The following RBBP8NL variants were observed in gnomAD, a reference collection of about 807,000 sequenced individuals.
The protein encoded by RBBP8NL is RBBP8 N-terminal like, also known as RBBP8 N-terminal-like protein.
RBBP8NL carries 59 observed loss-of-function variants against 62.2 expected under a neutral mutation model. That is an observed-to-expected ratio of 0.95 (90% confidence interval 0.77 to 1.18). The LOEUF is 1.18. Among genes scored for constraint, RBBP8NL ranks in the 50% most tolerant of loss-of-function variants. RBBP8NL has a pLI of 0.00. For synonymous variants in RBBP8NL, 412 were observed against 394.1 expected (o/e 1.05, Z -0.54); for missense variants, 896 against 899.5 (o/e 1.00, Z 0.05).
rs2146439421 is a variant in RBBP8NL, at chr20:62,415,559, T to C, written c.627+19A>G. On this transcript the variant is annotated intron_variant, in intron 8 of 13. Coordinates refer to ENST00000252998, the MANE Select transcript of RBBP8NL (RefSeq NM_080833.3). ...GCCGGCCCAGCTGCACATGGTGGGC[T>C]CCCGGTCCCTGCCCTTACCATGTCT... is the stretch of plus-strand genomic sequence containing the variant. 4 of 1,612,014 alleles carry C rather than the reference T, an allele frequency of 2.5e-6. No individual in the cohort carries two copies. Among genetic ancestry groups the C allele is most frequent in the Non-Finnish European group, 3.4e-6 (4 of 1,179,492 alleles).
intron 8 of RBBP8NL, 130 bp from the exon 9 acceptor site, chr20:62,415,417 C>A (rs555537037): frequency 6.5e-6 from 9 of 1,376,338 alleles, no homozygotes; most frequent in Non-Finnish European, 8.9e-6. Context: ...TGCACCCCCA[C>A]CCACGCCAAA....
chr20:62,419,830 AC>A, intron 1 of RBBP8NL, 100 bp from the exon 2 acceptor site: 1 of 612,878 alleles, frequency 1.6e-6, no homozygotes, highest in South Asian at 2.1e-5. Flanking sequence ...TATGGAGCAG[AC>A]CCCATGCCAT....
chr20:62,410,606 T>C lies in RBBP8NL; in HGVS notation c.*272A>G, dbSNP rs914940770. 4.2e-6 allele frequency: 2 copies of C among 473,038 alleles called. No homozygotes were observed. Among genetic ancestry groups the C allele is most frequent in the Middle Eastern group, 5.5e-4 (1 of 1,810 alleles). 29.3% of individuals were successfully genotyped at this position (473,038 alleles called of 1,614,324 possible). Reference sequence around the variant, plus strand: ...GTGAATCGCCAGCCTGAGACCCCTCTCGGTCCTCCAGCCCCTCTTGAAGTG... The same window carrying C: ...GTGAATCGCCAGCCTGAGACCCCTCCCGGTCCTCCAGCCCCTCTTGAAGTG... On this transcript the variant is annotated 3_prime_UTR_variant, in exon 14 of 14. Transcript: ENST00000252998.
intron 5 of RBBP8NL, 37 bp from the exon 6 acceptor site, chr20:62,416,273 TG>T (rs984939245): frequency 3.5e-4 from 49 of 140,882 alleles, no homozygotes; most frequent in Middle Eastern, 9.6e-4. Context: ...AGCCAGGGGT[TG>T]GGGGGGACAG....
Position 62,410,878 on chromosome 20 carries a change from C to T in RBBP8NL, c.1995G>A (p.Ter665=), listed in dbSNP as rs1601483822. The change falls in exon 14 of 14, where the codon TAG becomes TAA. Residue 665 remains the stop codon, a stop_retained_variant. Coordinates refer to ENST00000252998, the MANE Select transcript of RBBP8NL (RefSeq NM_080833.3). ...SPNSSPWEET[*] is the part of the protein sequence containing the mutation. ...CGCTGTGGACCCTGGTGCAGGCTGG[C>T]TAGGTCTCCTCCCAGGGGCTGCTGT... The T allele has an allele frequency of 7.5e-6, 12 of 1,606,394 alleles. No individual in the cohort carries two copies. Among genetic ancestry groups the T allele is most frequent in the Non-Finnish European group, 1.0e-5 (12 of 1,174,204 alleles).
rs1988641715 is a variant in RBBP8NL, at chr20:62,419,003, G to A, written c.62-538C>T. Among the ~76,000 whole-genome samples, 2 of 152,106 alleles carry A rather than the reference G, an allele frequency of 1.3e-5. 1 individual carries two copies. The highest frequency in any genetic ancestry group is 4.1e-4 in the South Asian group (2 of 4,822). On this transcript the variant is annotated intron_variant, in intron 2 of 13. Coordinates refer to ENST00000252998, the MANE Select transcript of RBBP8NL (RefSeq NM_080833.3). The stretch of plus-strand genomic sequence containing the variant: ...GACCACGGGGAGGTGCTGGCCCTGG[G>A]ACTGGACTGGGGGTGGTGTGGGGGC...
chr20:62,416,120 CTGGGGAGT>C, intron 6 of RBBP8NL, 36 bp downstream of exon 6: 1 of 1,570,016 alleles, frequency 6.4e-7, no homozygotes, highest in Non-Finnish European at 8.7e-7. Context: ...TCGGGGGGTG[CTGGGGAGT>C]TGGGTGTCTG....
rs370742035 is a variant in RBBP8NL, at chr20:62,413,894, C to A, written c.1457G>T (p.Arg486Leu). The A allele has an allele frequency of 6.3e-7, 1 of 1,593,618 alleles. No homozygotes were observed. The highest frequency in any genetic ancestry group is 8.5e-7 in the Non-Finnish European group (1 of 1,170,892). ...EPPTQSGPLT[R>L]SPQALSNGTK... ...GCCATTGCTGAGTGCCTGGGGACTG[C>A]GAGTCAGGGGTCCGGACTGGGTGGG... Residue 486 changes from arginine (R) to leucine (L), a missense_variant, in exon 10 of 14, where the codon CGC (arginine) becomes CTC (leucine). Physicochemically the swap from Arg to Leu is moderately radical, Grantham distance 102. Transcript: ENST00000252998.
At chr20:62,421,420 TGC>T (rs1569027212) in intron 1 of RBBP8NL, among the ~76,000 whole-genome samples, 1 of 99,000 alleles carries the variant, frequency 1.0e-5, no homozygotes, top group East Asian at 3.8e-4. Context: ...TGCGTGTGTG[TGC>T]CGTGTATGCG....
In RBBP8NL at chr20:62,416,150, C is replaced by A. The variant is rs570318557; in HGVS notation, c.386+14G>T. The A allele has an allele frequency of 5.0e-6, 8 of 1,608,464 alleles. No homozygotes were observed. Among genetic ancestry groups the A allele is most frequent in the Admixed American group, 1.7e-5 (1 of 59,652 alleles). On this transcript the variant is annotated intron_variant, in intron 6 of 13. Transcript: ENST00000252998. The stretch of plus-strand genomic sequence containing the variant: ...GAGTTGGGTGTCTGAGCCCTGGGAC[C>A]CTTTCCCACTCACCCCAGGCCCCGA...
At chr20:62,421,729 T>TGTGTGTGTGCC (rs1491266984) in intron 1 of RBBP8NL, among the ~76,000 whole-genome samples, 2 of 148,002 alleles carry the variant, frequency 1.4e-5, no homozygotes, top group Admixed American at 6.7e-5. Flanking sequence ...GCAGTGTGCA[T>TGTGTGTGTGCC]GTGTGTGTGC....
chr20:62,419,522 T>G, intron 2 of RBBP8NL, 65 bp downstream of exon 2: 2 of 1,548,174 alleles, frequency 1.3e-6, no homozygotes, highest in Non-Finnish European at 1.8e-6. Context: ...AGTGGCCTGC[T>G]CCGACCCTTA....
chr20:62,418,625 G>A (rs563103993), intron 2 of RBBP8NL, among the ~76,000 whole-genome samples, 160 bp from the exon 3 acceptor site: 6 of 152,326 alleles, frequency 3.9e-5, no homozygotes, highest in Non-Finnish European at 7.4e-5. Context: ...GCCCAGGCAC[G>A]GGGCTGCCTG....
chr20:62,420,350 GCACA>G (rs55946617), intron 1 of RBBP8NL, among the ~76,000 whole-genome samples: 5,874 of 129,688 alleles, frequency 0.045, 122 homozygotes, highest in Middle Eastern at 0.087. Flanking sequence ...TGTCCCACAG[GCACA>G]CACACACACA....
In RBBP8NL at chr20:62,414,093, C is replaced by T; in HGVS notation, c.1258G>A (p.Ala420Thr). ...GTCCTCTGGGCGCGGCCCGGGCCTG[C>T]AGGCTGTGTGTGCCGCCCTCCAGAC... is the stretch of plus-strand genomic sequence containing the variant. ...GLSGGRHTQPAGPGRAQRTEA... is the reference protein window; with the variant it reads ...GLSGGRHTQPTGPGRAQRTEA... Residue 420 changes from alanine to threonine, a missense_variant, in exon 10 of 14, where the codon GCA (alanine) becomes ACA (threonine). Ala to Thr is a moderately conservative substitution (Grantham distance 58). Coordinates refer to ENST00000252998, the MANE Select transcript of RBBP8NL (RefSeq NM_080833.3). 2 of 1,592,542 alleles carry T rather than the reference C, an allele frequency of 1.3e-6. No homozygotes were observed. The highest frequency in any genetic ancestry group is 1.7e-6 in the Non-Finnish European group (2 of 1,171,600).
At chr20:62,412,164 C>G (rs1433848190) in intron 13 of RBBP8NL, among the ~76,000 whole-genome samples, 1 of 152,228 alleles carries the variant, frequency 6.6e-6, no homozygotes, top group Non-Finnish European at 1.5e-5. Flanking sequence ...AAACGTGCCC[C>G]CATGCCCCTC....
Position 62,412,615 on chromosome 20 carries a change from C to T in RBBP8NL, c.1876+9G>A. 1 of 1,602,320 alleles carries T rather than the reference C, an allele frequency of 6.2e-7. No individual in the cohort carries two copies. Among genetic ancestry groups the T allele is most frequent in the Non-Finnish European group, 8.5e-7 (1 of 1,179,590 alleles). ...CCCCTTCCCTGCACCTGCCCCATGC[C>T]AGCTGTACCTTTGTCCCCAGGCTCC... On this transcript the variant is annotated intron_variant, in intron 13 of 13. Coordinates refer to ENST00000252998, the MANE Select transcript of RBBP8NL (RefSeq NM_080833.3).
chr20:62,412,589 C>T (rs762601913), intron 13 of RBBP8NL, 35 bp downstream of exon 13: 15 of 1,595,462 alleles, frequency 9.4e-6, no homozygotes, highest in African/African-American at 1.3e-5. Flanking sequence ...GCTCCCCTCG[C>T]CCCCTTCCCT....
chr20:62,413,438 A>G lies in RBBP8NL; in HGVS notation c.1638T>C (p.Pro546=). The G allele has an allele frequency of 6.9e-7, 1 of 1,459,464 alleles. No homozygotes were observed. Among genetic ancestry groups the G allele is most frequent in the Non-Finnish European group, 9.0e-7 (1 of 1,108,216 alleles). 90.4% of individuals were successfully genotyped at this position (1,459,464 alleles called of 1,614,324 possible). The change falls in exon 11 of 14, where the codon CCT becomes CCC. Residue 546 remains proline, a synonymous_variant. Transcript: ENST00000252998. ...CCAGGTCAGGCGGCTGTGGGTGGGG[A>G]GGCGGCTGTGGGTGGGGAGGTGGCA... ...RPLPPPHPQP[P]PHPQPPDLDG...
Sources: gnomAD v4.1 joint callset for allele counts (sites outside exome capture counted in the v4.1 genomes callset) on GRCh38, gnomAD v4.1.1 for gene constraint, MANE v1.5 for transcripts, NCBI Gene and HGNC (gene_info 2026-07-23, HGNC 2026-07-21) for gene names.